LRBA: variants seen among roughly 807,000 people sequenced by gnomAD.
The protein encoded by LRBA is LPS responsive beige-like anchor protein, also known as lipopolysaccharide-responsive and beige-like anchor protein.
LRBA carries 176 observed loss-of-function variants against 330.0 expected under a neutral mutation model. The observed-to-expected ratio is 0.53, with a 90% CI of 0.47 to 0.60. LRBA has a LOEUF of 0.60. Among genes scored for constraint, LRBA ranks in the 20% least tolerant of loss-of-function variants. The pLI is 0.00. For synonymous variants in LRBA, 1,230 were observed against 1,193.0 expected (o/e 1.03, Z -0.64); for missense variants, 3,259 against 3,444.8 (o/e 0.95, Z 1.35).
At chr4:150,892,920 G>T in intron 17 of LRBA, 132 bp downstream of exon 17, 1 of 551,200 alleles carries the variant, frequency 1.8e-6, no homozygotes. Flanking sequence ...TTATAAATGG[G>T]TCTTAAATCT....
chr4:150,771,443 G>A (rs1487980852), intron 34 of LRBA, among the ~76,000 whole-genome samples: 1 of 152,184 alleles, frequency 6.6e-6, no homozygotes, highest in Admixed American at 6.5e-5. Flanking sequence ...CTGTGAAATA[G>A]ATTTCTTAAT....
intron 44 of LRBA, among the ~76,000 whole-genome samples, chr4:150,438,370 C>T (rs935114601): frequency 6.6e-6 from 1 of 152,056 alleles, no homozygotes; most frequent in Non-Finnish European, 1.5e-5. Flanking sequence ...GTAATCCCAG[C>T]TACTCGGGAG....
At position 150,901,378 on chromosome 4, in the gene LRBA, G is replaced by A. The variant is rs538349264; in HGVS notation, c.1756-1161C>T. Among the ~76,000 whole-genome samples the A allele has an allele frequency of 3.9e-5, 6 of 152,084 alleles. No individual in the cohort carries two copies. In the East Asian group the frequency reaches 7.7e-4, roughly 20 times the overall value. ...CATTACTTAAAGCAGCAAAAATAAC[G>A]ACTGCTTTTGCTCTACTCTCATGTT... On this transcript the variant is annotated intron_variant, in intron 13 of 56. Coordinates refer to ENST00000651943, the MANE Select transcript of LRBA (RefSeq NM_001364905.1).
At chr4:150,559,651 TATATA>T (rs1475998210) in intron 40 of LRBA, among the ~76,000 whole-genome samples, 7 of 48,714 alleles carry the variant, frequency 1.4e-4, no homozygotes, top group African/African-American at 4.6e-4. Flanking sequence ...TATAATATAA[TATATA>T]ATTATAATAT....
At chr4:150,740,128 G>A (rs1406075497) in intron 35 of LRBA, among the ~76,000 whole-genome samples, 2 of 152,038 alleles carry the variant, frequency 1.3e-5, no homozygotes, top group Non-Finnish European at 2.9e-5. Context: ...CATCATAATG[G>A]AAATTAGGAA....
intron 2 of LRBA, among the ~76,000 whole-genome samples, chr4:150,929,359 C>T (rs1311488677): frequency 1.3e-5 from 2 of 152,178 alleles, no homozygotes; most frequent in African/African-American, 4.8e-5. Flanking sequence ...ATCAACTCTA[C>T]AATTGCTTCT....
At chr4:151,013,501 T>C (rs1745085058) in intron 2 of LRBA, 1 of 152,208 alleles carries the variant, frequency 6.6e-6, no homozygotes, top group Non-Finnish European at 1.5e-5. Context: ...ACCTCATCTC[T>C]AAATAAATAA....
chr4:150,788,910 A>C (rs1174528121), intron 34 of LRBA, among the ~76,000 whole-genome samples: 1 of 151,846 alleles, frequency 6.6e-6, no homozygotes, highest in African/African-American at 2.4e-5. Flanking sequence ...CCCCATCTCC[A>C]CTAAAATTCA....
intron 48 of LRBA, among the ~76,000 whole-genome samples, chr4:150,333,666 A>G (rs1397565293): frequency 6.6e-6 from 1 of 152,156 alleles, no homozygotes; most frequent in Non-Finnish European, 1.5e-5. Context: ...TAAATTGTAG[A>G]ACACTTGCTG....
chr4:150,808,297 A>T (rs1743098526), intron 32 of LRBA, 23 bp downstream of exon 32: 1 of 1,538,874 alleles, frequency 6.5e-7, no homozygotes, highest in East Asian at 2.3e-5. Flanking sequence ...AAATCACAAT[A>T]TTCAAGTTAG....
intron 40 of LRBA, among the ~76,000 whole-genome samples, chr4:150,553,341 T>C (rs1267407742): frequency 1.3e-5 from 2 of 151,728 alleles, no homozygotes; most frequent in African/African-American, 4.8e-5. Flanking sequence ...GGGAGAGGGA[T>C]AGCATTAGGA....
chr4:150,411,391 T>C (rs1034098491), intron 47 of LRBA, among the ~76,000 whole-genome samples: 2 of 152,142 alleles, frequency 1.3e-5, no homozygotes, highest in Non-Finnish European at 2.9e-5. Flanking sequence ...AAAAATACCC[T>C]ATCCTCTTGA....
intron 28 of LRBA, among the ~76,000 whole-genome samples, chr4:150,841,654 TTTTTA>T (rs1172798693): frequency 1.3e-5 from 2 of 152,112 alleles, no homozygotes; most frequent in Non-Finnish European, 2.9e-5. Flanking sequence ...TTTTTAAATT[TTTTTA>T]TTTTATTTTT....
intron 34 of LRBA, among the ~76,000 whole-genome samples, chr4:150,764,423 G>A (rs569036903): frequency 1.6e-4 from 24 of 151,870 alleles, no homozygotes; most frequent in Non-Finnish European, 3.2e-4. Flanking sequence ...AAAAATCCTG[G>A]AATAAGCAAT....
chr4:150,331,511 A>G (rs999837605), intron 48 of LRBA, among the ~76,000 whole-genome samples: 6 of 152,212 alleles, frequency 3.9e-5, no homozygotes. Context: ...TTCAATAATT[A>G]TTAAGACATT....
intron 48 of LRBA, among the ~76,000 whole-genome samples, chr4:150,326,818 T>C (rs746769602): frequency 5.9e-5 from 9 of 152,088 alleles, no homozygotes; most frequent in Non-Finnish European, 1.0e-4. Context: ...AAAGGCTACT[T>C]CGACACTCCC....
chr4:150,514,602 G>A (rs546377444), intron 40 of LRBA, among the ~76,000 whole-genome samples: 3 of 152,176 alleles, frequency 2.0e-5, no homozygotes, highest in South Asian at 2.1e-4. Flanking sequence ...TCATTGGACC[G>A]GAACACTTTC....
intron 34 of LRBA, among the ~76,000 whole-genome samples, chr4:150,790,604 TAC>T (rs1251880616): frequency 1.3e-5 from 2 of 152,240 alleles, no homozygotes; most frequent in Admixed American, 6.5e-5. Context: ...AGCAATAAAG[TAC>T]AGTTATTGAG....
chr4:150,594,262 T>C (rs1416601001), intron 38 of LRBA, among the ~76,000 whole-genome samples: 3 of 151,870 alleles, frequency 2.0e-5, no homozygotes, highest in Non-Finnish European at 4.4e-5. Flanking sequence ...ATACACCACA[T>C]GCGCTGGTGT....
Sources: gnomAD v4.1 joint callset for allele counts (sites outside exome capture counted in the v4.1 genomes callset) on GRCh38, gnomAD v4.1.1 for gene constraint, MANE v1.5 for transcripts, NCBI Gene and HGNC (gene_info 2026-07-23, HGNC 2026-07-21) for gene names.